The following PIK3CD variants were observed in gnomAD, a reference collection of about 807,000 sequenced individuals.
The protein encoded by PIK3CD is phosphatidylinositol-4,5-bisphosphate 3-kinase catalytic subunit delta, also known as phosphatidylinositol 4,5-bisphosphate 3-kinase catalytic subunit delta isoform.
In PIK3CD, 20 loss-of-function variants were observed where a neutral mutation model predicts 122.9. The observed-to-expected ratio is 0.16, with a 90% confidence interval of 0.11 to 0.24. The LOEUF (loss-of-function observed/expected upper bound fraction) is 0.24, where lower values mean the gene tolerates loss of function less well. Among genes scored for constraint, PIK3CD ranks in the 10% least tolerant of loss-of-function variants. PIK3CD has a pLI of 1.00. For synonymous variants in PIK3CD, 596 were observed against 593.4 expected (o/e 1.00, Z -0.06); for missense variants, 787 against 1,406.3 (o/e 0.56, Z 7.04).
chr1:9,653,691 C>G (rs994849876), intron 1 of PIK3CD: 2 of 769,478 alleles, frequency 2.6e-6, no homozygotes, highest in Non-Finnish European at 3.9e-6. Flanking sequence ...TGCGACCAAA[C>G]GCAAGGAGAT....
chr1:9,716,704 C>T (rs1647519720), intron 6 of PIK3CD, 85 bp downstream of exon 6: 14 of 1,416,476 alleles, frequency 9.9e-6, no homozygotes, highest in African/African-American at 4.3e-5. Context: ...GACATTTGGG[C>T]GCACCTTGAG....
chr1:9,647,881 A>G (rs1157821174), upstream of PIK3CD, among the ~76,000 whole-genome samples: 4 of 152,304 alleles, frequency 2.6e-5, no homozygotes, highest in East Asian at 7.7e-4. Context: ...TGTAAAACAG[A>G]AGTAAGCTAT....
At chr1:9,672,344 CTCCAACCA>C (rs768146605) in intron 1 of PIK3CD, 14 of 152,148 alleles carry the variant, frequency 9.2e-5, no homozygotes, top group Non-Finnish European at 2.1e-4. Context: ...AGCACAGCGA[CTCCAACCA>C]GTTTTAAAAA....
At chr1:9,683,055 T>TTG (rs1645821162) in intron 1 of PIK3CD, among the ~76,000 whole-genome samples, 1 of 138,404 alleles carries the variant, frequency 7.2e-6, no homozygotes, top group Non-Finnish European at 1.5e-5. Context: ...TTTTTTTTTT[T>TTG]GGGGGGCTGG....
rs1206537857 is a variant in PIK3CD at position 9,710,728 on chromosome 1, G to A, written c.141+132G>A. On this transcript the variant is annotated intron_variant, in intron 3 of 23. Coordinates refer to ENST00000377346, the MANE Select transcript of PIK3CD (RefSeq NM_005026.5). The surrounding 1 kb of genome is among the most constrained non-coding windows in gnomAD (Gnocchi z 4.7). ...GGACAGACAGATGGACAGATGCACT[G>A]CTTTTCAGACTTGGGATCCTCAGAT... 3 of 940,082 alleles carry A rather than the reference G, an allele frequency of 3.2e-6. No homozygotes were observed. Among genetic ancestry groups the A allele is most frequent in the Non-Finnish European group, 5.1e-6 (3 of 584,198 alleles). 58.2% of individuals were successfully genotyped at this position (940,082 alleles called of 1,614,324 possible).
chr1:9,675,318 G>A (rs1317579000), intron 1 of PIK3CD, among the ~76,000 whole-genome samples: 8 of 147,142 alleles, frequency 5.4e-5, no homozygotes, highest in Non-Finnish European at 1.0e-4. Flanking sequence ...CCTGGGAGGC[G>A]GAGCTTGCAG....
the PIK3CD span, among the ~76,000 whole-genome samples, chr1:9,635,852 C>T: frequency 2.6e-5 from 4 of 152,202 alleles, no homozygotes; most frequent in Non-Finnish European, 5.9e-5. Context: ...TACGGGGCTG[C>T]CCCTGTTACT....
At chr1:9,657,351 G>A (rs546183273) in intron 1 of PIK3CD, among the ~76,000 whole-genome samples, 11 of 152,220 alleles carry the variant, frequency 7.2e-5, no homozygotes, top group East Asian at 1.9e-4. Context: ...CAATCAGCCC[G>A]CTTACAGATA....
rs192377653 is a variant in PIK3CD, at chr1:9,709,051, C to T, written c.-32-1373C>T. The stretch of plus-strand genomic sequence containing the variant: ...CAAATTTTTTCTTTTTTTTTTGAGA[C>T]GGAGTTTCGCTCTTGTTACCCAGGC... On this transcript the variant is annotated intron_variant, in intron 2 of 23. Coordinates refer to ENST00000377346, the MANE Select transcript of PIK3CD (RefSeq NM_005026.5). 3.2e-3 allele frequency among the ~76,000 whole-genome samples: 477 copies of T among 151,026 alleles called. 6 individuals are homozygous for T. The highest frequency in any genetic ancestry group is 0.011 in the African/African-American group (450 of 41,214).
At chr1:9,637,747 G>T in the PIK3CD span, among the ~76,000 whole-genome samples, 1 of 152,134 alleles carries the variant, frequency 6.6e-6, no homozygotes, top group African/African-American at 2.4e-5. Context: ...CATATTTTGA[G>T]ATGGCTCTTT....
the PIK3CD span, among the ~76,000 whole-genome samples, chr1:9,643,487 GGGA>G: frequency 7.7e-6 from 1 of 129,648 alleles, no homozygotes; most frequent in Non-Finnish European, 1.7e-5. Context: ...GAGGGAGGGA[GGGA>G]GGGAGGGAAG....
At chr1:9,658,494 A>G (rs1416212121) in intron 1 of PIK3CD, among the ~76,000 whole-genome samples, 2 of 147,130 alleles carry the variant, frequency 1.4e-5, no homozygotes, top group Admixed American at 1.4e-4. Flanking sequence ...CTTTGGAGTC[A>G]GCTGAACTGG....
At chr1:9,643,528 T>G in the PIK3CD span, among the ~76,000 whole-genome samples, 2 of 151,432 alleles carry the variant, frequency 1.3e-5, no homozygotes, top group African/African-American at 4.9e-5. Flanking sequence ...AAAAAATAAA[T>G]AAATAACTCT....
In PIK3CD at chr1:9,719,358, G is replaced by A. The variant is rs1178297124; in HGVS notation, c.1242+443G>A. Among the ~76,000 whole-genome samples, 1 of 152,170 alleles carries A rather than the reference G, an allele frequency of 6.6e-6. No individual in the cohort carries two copies. The highest frequency in any genetic ancestry group is 1.5e-5 in the Non-Finnish European group (1 of 68,030). Reference sequence around the variant, plus strand: ...TCTGGGGCTGGGCTGTCTGTTTGGGGATTTCTCAAGAAGCCAGGAGGGCCA... The same window carrying A: ...TCTGGGGCTGGGCTGTCTGTTTGGGAATTTCTCAAGAAGCCAGGAGGGCCA... On this transcript the variant is annotated intron_variant, in intron 9 of 23. Transcript: ENST00000377346. The surrounding 1 kb of genome is among the most constrained non-coding windows in gnomAD (Gnocchi z 5.5).
chr1:9,641,479 A>C, the PIK3CD span, among the ~76,000 whole-genome samples: 1 of 152,176 alleles, frequency 6.6e-6, no homozygotes, highest in Non-Finnish European at 1.5e-5. Flanking sequence ...CACACAGCCG[A>C]CAGATGGTGG....
chr1:9,661,687 C>T (rs1645012527), intron 1 of PIK3CD, among the ~76,000 whole-genome samples: 3 of 151,664 alleles, frequency 2.0e-5, no homozygotes, highest in Non-Finnish European at 4.4e-5. Flanking sequence ...ATGGCGAAAC[C>T]CCGTCTCTAC....
chr1:9,692,705 G>C (rs546019134), intron 2 of PIK3CD, among the ~76,000 whole-genome samples: 27 of 152,256 alleles, frequency 1.8e-4, no homozygotes, highest in African/African-American at 6.3e-4. Context: ...ACTCCAGCCT[G>C]GGTGACAGAG....
chr1:9,701,913 A>G (rs191539876), intron 2 of PIK3CD, among the ~76,000 whole-genome samples: 21 of 152,192 alleles, frequency 1.4e-4, no homozygotes, highest in Non-Finnish European at 2.2e-4. Context: ...TCTCAGGCTA[A>G]GCAAATAGGA....
At position 9,724,687 on chromosome 1, in the gene PIK3CD, C is replaced by T; in HGVS notation, c.2865-117C>T. ...GCAGAACTGGAGGCCTTGTGTCCAC[C>T]CATTATCAGGGCAAGGGCAGGTGTC... On this transcript the variant is annotated intron_variant, in intron 22 of 23. Transcript: ENST00000377346. This position sits in a 1 kb window ranked among gnomAD's most constrained non-coding sequence, Gnocchi z 7.3. 7.3e-7 allele frequency: 1 copy of T among 1,360,792 alleles called. No individual in the cohort carries two copies. Among genetic ancestry groups the T allele is most frequent in the Non-Finnish European group, 1.0e-6 (1 of 953,218 alleles). The allele number at this position is 1,360,792 out of a possible 1,614,324, so 84.3% of individuals were successfully genotyped here.
Sources: allele counts gnomAD v4.1 joint callset (sites outside exome capture counted in the v4.1 genomes callset), GRCh38; gene constraint gnomAD v4.1.1; non-coding constraint Gnocchi (gnomAD v3.1); transcripts MANE v1.5; gene names NCBI Gene and HGNC (gene_info 2026-07-23, HGNC 2026-07-21).